BARX1: variants seen among roughly 807,000 people sequenced by gnomAD.
BARX1 encodes BARX homeobox 1.
BARX1 carries 10 observed loss-of-function variants against 19.6 expected under a neutral mutation model. The observed-to-expected ratio is 0.51, with a 90% CI of 0.31 to 0.86. BARX1 has a LOEUF of 0.86. BARX1 is among the 40% of genes least tolerant of loss of function. BARX1 has a pLI of 0.04. For synonymous variants in BARX1, 177 were observed against 170.0 expected (o/e 1.04, Z -0.32); for missense variants, 309 against 360.4 (o/e 0.86, Z 1.15).
At chr9:93,952,646 G>A (rs1411765605) in intron 3 of BARX1, 83 bp downstream of exon 3, 1 of 1,431,666 alleles carries the variant, frequency 7.0e-7, no homozygotes, top group African/African-American at 1.4e-5. Flanking sequence ...GAGTCTCAGT[G>A]GGGAGAAAGA....
At position 93,952,978 on chromosome 9, in the gene BARX1, T is replaced by C. The variant is rs1829119715; in HGVS notation, c.433A>G (p.Ser145Gly). Reference sequence around the variant, plus strand: ...TGCAGCTCGGTGAACACAGTGCGGCTCCGACGCCCCTTCTTGGCTTTGGTG... The same window carrying C: ...TGCAGCTCGGTGAACACAGTGCGGCCCCGACGCCCCTTCTTGGCTTTGGTG... Reference protein sequence around the residue: ...PGTKAKKGRRSRTVFTELQLM... With the variant: ...PGTKAKKGRRGRTVFTELQLM... Residue 145 changes from serine to glycine, a missense_variant, in exon 2 of 4, where the codon AGC (serine) becomes GGC (glycine). Transcript: ENST00000253968. 2 of 1,570,688 alleles carry C rather than the reference T, an allele frequency of 1.3e-6. No individual in the cohort carries two copies. Among genetic ancestry groups the C allele is most frequent in the East Asian group, 2.4e-5 (1 of 42,040 alleles).
chr9:93,952,317 G>A lies in BARX1; in HGVS notation c.612C>T (p.Gly204=). 1 of 1,608,430 alleles carries A rather than the reference G, an allele frequency of 6.2e-7. No individual in the cohort carries two copies. The highest frequency in any genetic ancestry group is 8.5e-7 in the Non-Finnish European group (1 of 1,179,606). The part of the protein sequence containing the change: ...RMKWKKIVLQ[G]GGLESPTKPK... ...GCTTGGTGGGAGACTCCAGGCCGCC[G>A]CCCTGCAGCACCTGCACGGGGGACC... Residue 204 remains glycine (G), a synonymous_variant, in exon 4 of 4, where the codon GGC becomes GGT. Transcript: ENST00000253968.
intron 3 of BARX1, 136 bp from the exon 4 acceptor site, chr9:93,952,464 G>A: frequency 2.2e-6 from 3 of 1,345,642 alleles, no homozygotes; most frequent in Non-Finnish European, 3.0e-6. Context: ...GGGAAATGGC[G>A]GCCATTTGTC....
At chr9:93,952,414 A>G (rs1369360682) in intron 3 of BARX1, 86 bp from the exon 4 acceptor site, 3 of 1,497,964 alleles carry the variant, frequency 2.0e-6, no homozygotes, top group Non-Finnish European at 2.7e-6. Flanking sequence ...AGGACTAAGG[A>G]GTGCAGGGTC....
intron 1 of BARX1, 145 bp from the exon 2 acceptor site, chr9:93,953,332 GTGGCGCAGATGGA>G (rs1386782065): frequency 1.1e-5 from 11 of 969,972 alleles, no homozygotes; most frequent in Middle Eastern, 3.3e-4. Flanking sequence ...GTCGGCGCCG[GTGGCGCAGATGGA>G]GACCCTCCTC....
chr9:93,953,501 C>T, intron 1 of BARX1: 1 of 390,200 alleles, frequency 2.6e-6, no homozygotes, highest in Non-Finnish European at 4.5e-6. Flanking sequence ...CGGAGTGTGT[C>T]TTGTCTTTCG....
rs1458942741 is a variant in BARX1, at chr9:93,952,099, G to A, written c.*65C>T. On this transcript the variant is annotated 3_prime_UTR_variant, in exon 4 of 4. Coordinates refer to ENST00000253968, the MANE Select transcript of BARX1 (RefSeq NM_021570.4). ...TGGACGCGGAAGGGCCGGCTCGCGG[G>A]TTTCCGCCGAGTGAGGGGGCTGCGG... 1.3e-6 allele frequency: 2 copies of A among 1,551,726 alleles called. No individual in the cohort carries two copies. The highest frequency in any genetic ancestry group is 1.4e-5 in the African/African-American group (1 of 73,148).
chr9:93,955,018 GC>G lies in BARX1; in HGVS notation c.128del (p.Gly43AlafsTer15). The G allele has an allele frequency of 7.1e-7, 1 of 1,399,194 alleles. No homozygotes were observed. The highest frequency in any genetic ancestry group is 9.3e-7 in the Non-Finnish European group (1 of 1,076,218). 86.7% of individuals were successfully genotyped at this position (1,399,194 alleles called of 1,614,324 possible). ...EILTEPPGPK[G>X]AAPAAAAAAA... ...CGGCAGCGGCGGCTGCGGGCGCGGC[GC>G]CCTTGGGCCCGGGTGGCTCCGTGAG... is the stretch of plus-strand genomic sequence containing the variant. On this transcript the variant is annotated frameshift_variant, in exon 1 of 4. Coordinates refer to ENST00000253968, the MANE Select transcript of BARX1 (RefSeq NM_021570.4). LOFTEE classifies it high-confidence loss of function. This position sits in a 1 kb window ranked among gnomAD's most constrained non-coding sequence, Gnocchi z 4.4.
chr9:93,954,710 G>A (rs369765897), intron 1 of BARX1, among the ~76,000 whole-genome samples: 27 of 152,294 alleles, frequency 1.8e-4, no homozygotes, highest in African/African-American at 6.3e-4. Flanking sequence ...CTCCCCGGGC[G>A]GCCCGCGGGC....
In BARX1 at chr9:93,954,840, C is replaced by T. The variant is rs1293834627; in HGVS notation, c.223+84G>A. 3.0e-6 allele frequency: 3 copies of T among 1,002,684 alleles called. No homozygotes were observed. In the East Asian group the frequency reaches 1.1e-4, roughly 35 times the overall value. The allele number at this position is 1,002,684 out of a possible 1,614,324, so 62.1% of individuals were successfully genotyped here. On this transcript the variant is annotated intron_variant, in intron 1 of 3. Transcript: ENST00000253968. ...CAGCTTCCCGGGGCTGCTTCGATGC[C>T]GGAGGAGGCTCGGGGCGCCCCCGCG... is the stretch of plus-strand genomic sequence containing the variant.
intron 1 of BARX1, among the ~76,000 whole-genome samples, chr9:93,954,447 G>C (rs1829137881): frequency 6.6e-6 from 1 of 152,212 alleles, no homozygotes; most frequent in African/African-American, 2.4e-5. Flanking sequence ...GGGGACTCCG[G>C]GCCGGCTTGG....
Position 93,951,930 on chromosome 9 carries a change from G to A in BARX1, c.*234C>T. 2 of 586,628 alleles carry A rather than the reference G, an allele frequency of 3.4e-6. No individual in the cohort carries two copies. The highest frequency in any genetic ancestry group is 6.0e-6 in the Non-Finnish European group (2 of 334,702). The allele number at this position is 586,628 out of a possible 1,614,324, so 36.3% of individuals were successfully genotyped here. On this transcript the variant is annotated 3_prime_UTR_variant, in exon 4 of 4. Transcript: ENST00000253968. ...GCTCAGGGTAGAGACTGTAGCTTCC[G>A]CCGGGCTGGATGCGAGTCTCCCAGG...
At chr9:93,954,631 C>T (rs1393247560) in intron 1 of BARX1, among the ~76,000 whole-genome samples, 2 of 152,256 alleles carry the variant, frequency 1.3e-5, no homozygotes, top group African/African-American at 4.8e-5. Flanking sequence ...TGCGCCTGCA[C>T]TGGGGATGCT....
rs984026343 is a variant in BARX1, at chr9:93,951,963, C to T, written c.*201G>A. 19 of 701,630 alleles carry T rather than the reference C, an allele frequency of 2.7e-5. No individual in the cohort carries two copies. The highest frequency in any genetic ancestry group is 3.2e-5 in the Non-Finnish European group (14 of 432,238). 43.5% of individuals were successfully genotyped at this position (701,630 alleles called of 1,614,324 possible). A position where few individuals can be genotyped will look rare whatever the true frequency, so the allele number is the denominator to read the frequency against. ...GGATGCGAGTCTCCCAGGTTAGAGCCCAGAAGCGCGCTGGGACCTGGGTCT... is the reference window on the plus strand; with the variant it reads ...GGATGCGAGTCTCCCAGGTTAGAGCTCAGAAGCGCGCTGGGACCTGGGTCT... On this transcript the variant is annotated 3_prime_UTR_variant, in exon 4 of 4. Coordinates refer to ENST00000253968, the MANE Select transcript of BARX1 (RefSeq NM_021570.4).
At position 93,953,163 on chromosome 9, in the gene BARX1, G is replaced by T; in HGVS notation, c.248C>A (p.Ala83Glu). The change falls in exon 2 of 4, where the codon GCG becomes GAG. Residue 83 changes from alanine (A) to glutamate (E), a missense_variant. By Grantham distance (107) the Ala-to-Glu change is moderately radical. Coordinates refer to ENST00000253968, the MANE Select transcript of BARX1 (RefSeq NM_021570.4). The part of the protein sequence containing the change: ...HLAVLKAEQA[A>E]VFKFPLAPLG... ...CGGCGCCAGTGGGAACTTGAACACC[G>T]CCGCCTGCTCGGCCTTCAGCACGGC... is the stretch of plus-strand genomic sequence containing the variant. 2 of 1,526,652 alleles carry T rather than the reference G, an allele frequency of 1.3e-6. No homozygotes were observed. The highest frequency in any genetic ancestry group is 1.7e-6 in the Non-Finnish European group (2 of 1,146,672). 94.6% of individuals were successfully genotyped at this position (1,526,652 alleles called of 1,614,324 possible).
intron 1 of BARX1, 26 bp downstream of exon 1, chr9:93,954,898 C>A (rs994768628): frequency 1.6e-6 from 2 of 1,289,582 alleles, no homozygotes; most frequent in Non-Finnish European, 9.8e-7. Context: ...AAGCCCGGCC[C>A]GCGACCCCGC....
In BARX1 at chr9:93,952,140, C is replaced by T. The variant is rs1178781436; in HGVS notation, c.*24G>A. On this transcript the variant is annotated 3_prime_UTR_variant, in exon 4 of 4. Coordinates refer to ENST00000253968, the MANE Select transcript of BARX1 (RefSeq NM_021570.4). ...GGGGCTGCGGGTGGCGCGGGCATCCCAGGCCCCGCACCGTATACCGCCCTC... is the reference window on the plus strand; with the variant it reads ...GGGGCTGCGGGTGGCGCGGGCATCCTAGGCCCCGCACCGTATACCGCCCTC... 1 of 1,598,298 alleles carries T rather than the reference C, an allele frequency of 6.3e-7. No homozygotes were observed. Among genetic ancestry groups the T allele is most frequent in the Non-Finnish European group, 8.5e-7 (1 of 1,177,034 alleles).
In BARX1 at chr9:93,954,992, G is replaced by A. The variant is rs1441897044; in HGVS notation, c.155C>T (p.Ala52Val). The A allele has an allele frequency of 1.4e-6, 2 of 1,397,856 alleles. No individual in the cohort carries two copies. Among genetic ancestry groups the A allele is most frequent in the East Asian group, 3.2e-5 (1 of 31,254 alleles). The allele number at this position is 1,397,856 out of a possible 1,614,324, so 86.6% of individuals were successfully genotyped here. ...KGAAPAAAAA[A>V]AGELLKFGVQ... ...GCCGAACTTCAGCAGCTCGCCCGCC[G>A]CGGCAGCGGCGGCTGCGGGCGCGGC... Residue 52 changes from alanine (A) to valine (V), a missense_variant, in exon 1 of 4, where the codon GCG becomes GTG. Transcript: ENST00000253968.
At position 93,952,048 on chromosome 9, in the gene BARX1, T is replaced by C; in HGVS notation, c.*116A>G. 1 of 1,324,754 alleles carries C rather than the reference T, an allele frequency of 7.5e-7. No homozygotes were observed. The highest frequency in any genetic ancestry group is 1.0e-6 in the Non-Finnish European group (1 of 986,864). The allele number at this position is 1,324,754 out of a possible 1,614,324, so 82.1% of individuals were successfully genotyped here. Reference sequence around the variant, plus strand: ...CAATTGTCCGCATTCAAGATCATAATAAAAAGGCTTAGGAAGTAAACTTCT... The same window carrying C: ...CAATTGTCCGCATTCAAGATCATAACAAAAAGGCTTAGGAAGTAAACTTCT... On this transcript the variant is annotated 3_prime_UTR_variant, in exon 4 of 4. Transcript: ENST00000253968.
Sources: gnomAD v4.1 joint callset for allele counts (sites outside exome capture counted in the v4.1 genomes callset) on GRCh38, gnomAD v4.1.1 for gene constraint, Gnocchi (gnomAD v3.1) non-coding constraint, MANE v1.5 for transcripts, NCBI Gene and HGNC (gene_info 2026-07-23, HGNC 2026-07-21) for gene names.